The following OLA1 variants were observed in gnomAD, a reference collection of about 807,000 sequenced individuals.
OLA1 encodes Obg like ATPase 1.
Under a neutral mutation model 48.4 loss-of-function variants are expected in OLA1, and 14 were observed. The observed-to-expected ratio is 0.29, with a 90% confidence interval of 0.19 to 0.45. OLA1 has a LOEUF of 0.45. OLA1 is among the 20% of genes least tolerant of loss of function. The pLI is 1.00. For synonymous variants in OLA1, 127 were observed against 150.4 expected, an observed-to-expected ratio of 0.84 and a Z score of 1.14; for missense variants, 325 against 467.1, an observed-to-expected ratio of 0.70 and a Z score of 2.80.
intron 2 of OLA1, among the ~76,000 whole-genome samples, chr2:174,233,769 A>C (rs1309701703): frequency 2.0e-5 from 3 of 152,240 alleles, no homozygotes; most frequent in African/African-American, 7.2e-5. Flanking sequence ...CTCTTCAAAA[A>C]TAAATCTTTG....
intron 2 of OLA1, among the ~76,000 whole-genome samples, chr2:174,244,741 C>T (rs1414857717): frequency 6.6e-6 from 1 of 152,098 alleles, no homozygotes; most frequent in East Asian, 1.9e-4. Flanking sequence ...TCTCCTGCCC[C>T]AGCCTCCCGA....
chr2:174,242,413 C>A (rs1408580266), intron 2 of OLA1, among the ~76,000 whole-genome samples: 2 of 152,238 alleles, frequency 1.3e-5, no homozygotes, highest in East Asian at 3.8e-4. Context: ...GGAATGCTCA[C>A]TCGCCTGCTG....
intron 4 of OLA1, among the ~76,000 whole-genome samples, chr2:174,213,147 T>C (rs1279663441): frequency 6.6e-6 from 1 of 152,110 alleles, no homozygotes; most frequent in African/African-American, 2.4e-5. Flanking sequence ...GAAAATAAAT[T>C]ATATTTGAAA....
chr2:174,228,729 A>AT (rs535334622), intron 3 of OLA1, among the ~76,000 whole-genome samples: 3 of 152,174 alleles, frequency 2.0e-5, no homozygotes, highest in Non-Finnish European at 4.4e-5. Context: ...CATTTCATAC[A>AT]TTTTTTATGC....
rs774458921 is a variant in OLA1 at position 174,229,346 on chromosome 2, T to C, written c.207A>G (p.Glu69=). The C allele has an allele frequency of 1.2e-6, 2 of 1,612,670 alleles. No individual in the cohort carries two copies. The highest frequency in any genetic ancestry group is 2.2e-5 in the South Asian group (2 of 90,972). Residue 69 remains glutamate, a synonymous_variant, in exon 3 of 11, where the codon GAA becomes GAG. Coordinates refer to ENST00000284719, the MANE Select transcript of OLA1 (RefSeq NM_013341.5). ...PNESRVPVPD[E]RFDFLCQYHK... The stretch of plus-strand genomic sequence containing the variant: ...GGTATTGACAAAGAAAGTCAAACCT[T>C]TCATCTGGCACAGGTACTCTGCTCT...
At chr2:174,243,204 T>C (rs1310550303) in intron 2 of OLA1, among the ~76,000 whole-genome samples, 1 of 152,138 alleles carries the variant, frequency 6.6e-6, no homozygotes, top group Non-Finnish European at 1.5e-5. Context: ...AGATGGGGTT[T>C]CACCACGCTG....
At chr2:174,196,490 T>C (rs1003893998) in intron 4 of OLA1, among the ~76,000 whole-genome samples, 4 of 152,136 alleles carry the variant, frequency 2.6e-5, no homozygotes, top group African/African-American at 9.7e-5. Context: ...TAATAGTCAA[T>C]AGCTGCACAC....
rs529523359 is a variant in OLA1, at chr2:174,227,012, C to T, written c.245+2296G>A. Among the ~76,000 whole-genome samples the T allele has an allele frequency of 2.2e-4, 33 of 151,920 alleles. No homozygotes were observed. The South Asian group carries it at 2.9e-3, about 13-fold the overall frequency. On this transcript the variant is annotated intron_variant, in intron 3 of 10. Transcript: ENST00000284719. Reference sequence around the variant, plus strand: ...GGCTGAGGTGAGAGAATCATTTGACCGTGCCCAGGAGTTTGAGGCTACAGT... The same window carrying T: ...GGCTGAGGTGAGAGAATCATTTGACTGTGCCCAGGAGTTTGAGGCTACAGT...
intron 5 of OLA1, among the ~76,000 whole-genome samples, chr2:174,130,887 C>T (rs1268583977): frequency 6.6e-6 from 1 of 152,100 alleles, no homozygotes; most frequent in Non-Finnish European, 1.5e-5. Context: ...TTAACAAAGA[C>T]AGCCAACAAT....
chr2:174,188,325 CCACTTTCTGGTCCTT>C (rs1378091933), intron 4 of OLA1, among the ~76,000 whole-genome samples: 1 of 151,876 alleles, frequency 6.6e-6, no homozygotes, highest in Non-Finnish European at 1.5e-5. Context: ...CCTACAAAAC[CCACTTTCTGGTCCTT>C]CAATTGCCTC....
intron 3 of OLA1, among the ~76,000 whole-genome samples, chr2:174,227,194 C>T (rs375749075): frequency 4.6e-5 from 7 of 151,800 alleles, no homozygotes; most frequent in East Asian, 1.9e-4. Context: ...TGCTTGAGGC[C>T]GACAGTTCAA....
chr2:174,142,385 G>A (rs542517775), intron 4 of OLA1, among the ~76,000 whole-genome samples: 1 of 152,160 alleles, frequency 6.6e-6, no homozygotes, highest in Non-Finnish European at 1.5e-5. Flanking sequence ...GGGAGGGGGG[G>A]TCTGAAATCA....
At chr2:174,128,942 T>C (rs945021796) in intron 5 of OLA1, among the ~76,000 whole-genome samples, 2 of 152,130 alleles carry the variant, frequency 1.3e-5, no homozygotes, top group Non-Finnish European at 2.9e-5. Flanking sequence ...TGGAATATGG[T>C]TAAGAATATG....
At chr2:174,083,350 T>C (rs1684899409) in intron 7 of OLA1, among the ~76,000 whole-genome samples, 1 of 152,024 alleles carries the variant, frequency 6.6e-6, no homozygotes, top group African/African-American at 2.4e-5. Flanking sequence ...CTATGGCCCA[T>C]TGAGCAGGAT....
intron 5 of OLA1, among the ~76,000 whole-genome samples, chr2:174,134,049 T>A (rs548903735): frequency 6.6e-6 from 1 of 152,376 alleles, no homozygotes; most frequent in South Asian, 2.1e-4. Context: ...CTTTTGTGCC[T>A]GGCTTCTTTC....
At chr2:174,151,189 T>G (rs1285154406) in intron 4 of OLA1, among the ~76,000 whole-genome samples, 1 of 151,970 alleles carries the variant, frequency 6.6e-6, no homozygotes, top group Non-Finnish European at 1.5e-5. Flanking sequence ...TAACCAGAAG[T>G]AAAGAACCAG....
At chr2:174,231,875 A>G (rs1332209394) in intron 2 of OLA1, among the ~76,000 whole-genome samples, 3 of 152,220 alleles carry the variant, frequency 2.0e-5, no homozygotes, top group Non-Finnish European at 2.9e-5. Flanking sequence ...TCTATTAAGA[A>G]AAGCCTCGCG....
chr2:174,169,352 T>C (rs370084389), intron 4 of OLA1, among the ~76,000 whole-genome samples: 14 of 152,290 alleles, frequency 9.2e-5, no homozygotes, highest in African/African-American at 3.1e-4. Context: ...TTGAAAGCAA[T>C]TTACAAATTG....
intron 4 of OLA1, among the ~76,000 whole-genome samples, chr2:174,191,044 T>G (rs942446461): frequency 6.6e-6 from 1 of 151,860 alleles, no homozygotes; most frequent in Non-Finnish European, 1.5e-5. Flanking sequence ...AGAGCTCTAT[T>G]GTACATAACA....
Sources: gnomAD v4.1 joint callset for allele counts (sites outside exome capture counted in the v4.1 genomes callset) on GRCh38, gnomAD v4.1.1 for gene constraint, MANE v1.5 for transcripts, NCBI Gene and HGNC (gene_info 2026-07-23, HGNC 2026-07-21) for gene names.